Variants in NSL1 observed in about 807,000 individuals in gnomAD.
The protein encoded by NSL1 is NSL1 component of MIS12 kinetochore complex, also known as kinetochore-associated protein NSL1 homolog.
A neutral mutation model predicts 25.4 loss-of-function variants in NSL1; 11 were observed. The ratio of observed to expected loss-of-function variants is 0.43; its 90% CI spans 0.27 to 0.72. NSL1 has a LOEUF of 0.72. Ranked by LOEUF, NSL1 falls within the 30% of genes least tolerant of loss-of-function variation. The pLI, the probability that NSL1 is intolerant of heterozygous loss-of-function variation, is 0.19. For synonymous variants in NSL1, 118 were observed against 120.6 expected, an observed-to-expected ratio of 0.98 and a Z score of 0.14; for missense variants, 330 against 342.7, an observed-to-expected ratio of 0.96 and a Z score of 0.29.
chr1:212,772,180 C>T (rs982094019), intron 4 of NSL1, among the ~76,000 whole-genome samples: 1 of 152,146 alleles, frequency 6.6e-6, no homozygotes, highest in Non-Finnish European at 1.5e-5. Context: ...TTATAAATTA[C>T]CCAGTGTCAG....
At chr1:212,791,465 A>G in intron 1 of NSL1, 65 bp downstream of exon 1, 1 of 1,432,788 alleles carries the variant, frequency 7.0e-7, no homozygotes, top group Non-Finnish European at 9.7e-7. Flanking sequence ...ATCTTTCTGA[A>G]TCCTAAGATC....
chr1:212,761,953 T>C (rs977669923), intron 4 of NSL1, among the ~76,000 whole-genome samples: 1 of 128,726 alleles, frequency 7.8e-6, no homozygotes, highest in Non-Finnish European at 1.6e-5. Flanking sequence ...ACAGTAACAC[T>C]AATGACAGCT....
chr1:212,775,607 A>C (rs554185591), intron 4 of NSL1, among the ~76,000 whole-genome samples: 4 of 145,338 alleles, frequency 2.8e-5, no homozygotes, highest in African/African-American at 8.1e-5. Flanking sequence ...ACCAGAAAAA[A>C]AAAACAAAAC....
intron 4 of NSL1, among the ~76,000 whole-genome samples, chr1:212,771,378 A>G (rs949441651): frequency 2.0e-5 from 3 of 152,176 alleles, no homozygotes; most frequent in Non-Finnish European, 4.4e-5. Flanking sequence ...AAAGCCACAT[A>G]TGACAAACCT....
At chr1:212,787,828 T>C (rs929432435) in intron 1 of NSL1, among the ~76,000 whole-genome samples, 191 bp from the exon 2 acceptor site, 1 of 152,184 alleles carries the variant, frequency 6.6e-6, no homozygotes, top group Admixed American at 6.5e-5. Context: ...TTGGGTCTCA[T>C]AGCCATTATG....
chr1:212,755,719 A>G (rs7535608), intron 4 of NSL1, among the ~76,000 whole-genome samples: 99,051 of 151,396 alleles, frequency 0.65, 32,813 homozygotes, highest in Non-Finnish European at 0.69. Flanking sequence ...TGGGAGGCGA[A>G]GTTATGGTAT....
At position 212,737,862 on chromosome 1, in the gene NSL1, T is replaced by A. The variant is rs1658296200; in HGVS notation, c.*546A>T. 1.0e-6 allele frequency: 1 copy of A among 985,304 alleles called. No individual in the cohort carries two copies. The highest frequency in any genetic ancestry group is 1.2e-6 in the Non-Finnish European group (1 of 829,842). 61.0% of individuals were successfully genotyped at this position (985,304 alleles called of 1,614,324 possible). A position where few individuals can be genotyped will look rare whatever the true frequency, so the allele number is the denominator to read the frequency against. On this transcript the variant is annotated 3_prime_UTR_variant, in exon 6 of 6. Coordinates refer to ENST00000366977, the MANE Select transcript of NSL1 (RefSeq NM_015471.4). ...TAAAGTTAATCTCACAAACCTAAAT[T>A]AGCTGAACATGGAGTAACAAAGTCA...
chr1:212,790,528 T>C (rs1467481665), intron 1 of NSL1, among the ~76,000 whole-genome samples: 1 of 152,150 alleles, frequency 6.6e-6, no homozygotes, highest in Non-Finnish European at 1.5e-5. Context: ...TGTGCTTCCT[T>C]ATAACAGGCA....
At position 212,727,018 on chromosome 1, in the gene NSL1, C is replaced by G; in HGVS notation, c.*11390G>C. On this transcript the variant is annotated 3_prime_UTR_variant, in exon 6 of 6. Coordinates refer to ENST00000366977, the MANE Select transcript of NSL1 (RefSeq NM_015471.4). ...CTCAGAGGCCCTCCAGTCCAGTCTA[C>G]TCCGGCCTTGGAGATGACTGCCGAG... 1 of 1,288,104 alleles carries G rather than the reference C, an allele frequency of 7.8e-7. No individual in the cohort carries two copies. Among genetic ancestry groups the G allele is most frequent in the Non-Finnish European group, 1.1e-6 (1 of 937,142 alleles). The allele number at this position is 1,288,104 out of a possible 1,614,324, so 79.8% of individuals were successfully genotyped here. A position where few individuals can be genotyped will look rare whatever the true frequency, so the allele number is the denominator to read the frequency against.
chr1:212,776,739 A>C (rs980615859), intron 4 of NSL1, among the ~76,000 whole-genome samples: 9 of 127,204 alleles, frequency 7.1e-5, no homozygotes, highest in African/African-American at 2.6e-4. Context: ...CAACAACAAC[A>C]AAAAAAACCA....
chr1:212,752,082 G>C (rs754848766), intron 4 of NSL1, among the ~76,000 whole-genome samples: 1 of 152,120 alleles, frequency 6.6e-6, no homozygotes, highest in African/African-American at 2.4e-5. Context: ...TGGTGTTAAA[G>C]GAGCCAAACT....
At chr1:212,743,403 T>C (rs536512369) in intron 4 of NSL1, among the ~76,000 whole-genome samples, 1 of 151,840 alleles carries the variant, frequency 6.6e-6, no homozygotes, top group African/African-American at 2.4e-5. Context: ...GACCTTGTGA[T>C]CCGCCCGCCT....
intron 1 of NSL1, 139 bp downstream of exon 1, chr1:212,791,391 C>T (rs1388388677): frequency 2.6e-6 from 2 of 761,568 alleles, no homozygotes; most frequent in Middle Eastern, 2.4e-4. Flanking sequence ...TCTCCTCTAG[C>T]GTTTCTCGAA....
intron 2 of NSL1, among the ~76,000 whole-genome samples, chr1:212,784,773 AAC>A (rs1442934741): frequency 6.6e-6 from 1 of 152,244 alleles, no homozygotes; most frequent in Non-Finnish European, 1.5e-5. Flanking sequence ...TGCTGAAAGA[AAC>A]AGACAATTGC....
chr1:212,768,319 C>CAAAAA (rs34528216), intron 4 of NSL1, among the ~76,000 whole-genome samples: 21 of 68,892 alleles, frequency 3.0e-4, no homozygotes, highest in Admixed American at 6.2e-4. Context: ...GACTCCGTCT[C>CAAAAA]AAAAAAAAAA....
chr1:212,757,968 G>A (rs1341523432), intron 4 of NSL1, among the ~76,000 whole-genome samples: 1 of 152,174 alleles, frequency 6.6e-6, no homozygotes, highest in African/African-American at 2.4e-5. Flanking sequence ...ATGGACTGAG[G>A]ATGTACAGGC....
At position 212,727,710 on chromosome 1, in the gene NSL1, T is replaced by C. The variant is rs539494940; in HGVS notation, c.*10698A>G. 5.6e-5 allele frequency: 55 copies of C among 984,790 alleles called. No individual in the cohort carries two copies. The Middle Eastern group carries it at 2.1e-3, about 37-fold the overall frequency. 61.0% of individuals were successfully genotyped at this position (984,790 alleles called of 1,614,324 possible). On this transcript the variant is annotated 3_prime_UTR_variant, in exon 6 of 6. Transcript: ENST00000366977. ...CCCACGATGAAAGAATGACTAGCTA[T>C]GATGATTTATATTTCCCAAGAAATT...
chr1:212,786,432 A>C (rs1571925079), intron 2 of NSL1, among the ~76,000 whole-genome samples: 2 of 151,952 alleles, frequency 1.3e-5, no homozygotes, highest in East Asian at 3.9e-4. Context: ...AAAAAAAAAG[A>C]AAAGTCTCCC....
At position 212,726,868 on chromosome 1, in the gene NSL1, C is replaced by A. The variant is rs1266735344; in HGVS notation, c.*11540G>T. 4 of 366,110 alleles carry A rather than the reference C, an allele frequency of 1.1e-5. No individual in the cohort carries two copies. The highest frequency in any genetic ancestry group is 2.0e-5 in the Non-Finnish European group (4 of 204,340). 22.7% of individuals were successfully genotyped at this position (366,110 alleles called of 1,614,324 possible). ...ACTTCTGTGCAACAACAGAGCCGAGCCCGGTCCCAGGGGCTGGATGGTGTC... is the reference window on the plus strand; with the variant it reads ...ACTTCTGTGCAACAACAGAGCCGAGACCGGTCCCAGGGGCTGGATGGTGTC... On this transcript the variant is annotated 3_prime_UTR_variant, in exon 6 of 6. Transcript: ENST00000366977.
Sources: allele counts gnomAD v4.1 joint callset (sites outside exome capture counted in the v4.1 genomes callset), GRCh38; gene constraint gnomAD v4.1.1; transcripts MANE v1.5; gene names NCBI Gene and HGNC (gene_info 2026-07-23, HGNC 2026-07-21).